The following EYS variants were observed in gnomAD, a reference collection of about 807,000 sequenced individuals.
The protein encoded by EYS is EGF-like photoreceptor maintenance factor.
A neutral mutation model predicts 282.1 loss-of-function variants in EYS; 250 were observed. The ratio of observed to expected loss-of-function variants is 0.89; its 90% CI spans 0.80 to 0.98. EYS has a LOEUF of 0.98. EYS is among the 50% of genes least tolerant of loss of function. The pLI, the probability that EYS is intolerant of heterozygous loss-of-function variation, is 0.00. For missense variants in EYS, 4,016 were observed against 3,709.0 expected, an observed-to-expected ratio of 1.08 and a Z score of -2.15; for synonymous variants, 1,355 against 1,282.9, an observed-to-expected ratio of 1.06 and a Z score of -1.20.
intron 29 of EYS, among the ~76,000 whole-genome samples, chr6:64,353,003 A>G (rs550111130): frequency 7.7e-4 from 117 of 151,578 alleles, no homozygotes; most frequent in African/African-American, 2.8e-3. Context: ...TGTGCTATGG[A>G]CTATAGACAG....
chr6:64,116,280 T>G (rs562868510), intron 31 of EYS, among the ~76,000 whole-genome samples: 2 of 152,174 alleles, frequency 1.3e-5, no homozygotes, highest in South Asian at 4.1e-4. Context: ...CTTTTTAACA[T>G]ATAAGAAAAC....
intron 35 of EYS, among the ~76,000 whole-genome samples, chr6:63,955,972 C>T (rs911788638): frequency 6.6e-6 from 1 of 152,122 alleles, no homozygotes; most frequent in Non-Finnish European, 1.5e-5. Context: ...CACAATATCA[C>T]CCCTTACCAC....
intron 35 of EYS, among the ~76,000 whole-genome samples, chr6:63,960,406 G>A (rs1194075950): frequency 1.3e-5 from 2 of 152,204 alleles, no homozygotes; most frequent in Non-Finnish European, 2.9e-5. Flanking sequence ...GGTTTATTGA[G>A]ATGGACTCTA....
intron 12 of EYS, among the ~76,000 whole-genome samples, chr6:65,263,438 AGT>A (rs1767669866): frequency 6.6e-6 from 1 of 152,132 alleles, no homozygotes; most frequent in Non-Finnish European, 1.5e-5. Context: ...AATTCAGTAA[AGT>A]AATATGATAA....
At chr6:65,327,407 T>C (rs1476784562) in intron 11 of EYS, among the ~76,000 whole-genome samples, 1 of 151,776 alleles carries the variant, frequency 6.6e-6, no homozygotes, top group East Asian at 1.9e-4. Context: ...ATGTGAATTG[T>C]GTTTTATTTA....
At chr6:63,820,809 A>G (rs1359166044) in intron 36 of EYS, among the ~76,000 whole-genome samples, 1 of 152,174 alleles carries the variant, frequency 6.6e-6, no homozygotes, top group East Asian at 1.9e-4. Context: ...GTATCTTACT[A>G]TGCCAGTACC....
chr6:65,090,084 A>G (rs1287168569), intron 12 of EYS, among the ~76,000 whole-genome samples: 1 of 151,932 alleles, frequency 6.6e-6, no homozygotes, highest in South Asian at 2.1e-4. Context: ...AGGACATGAT[A>G]TTTGGAAGTG....
intron 11 of EYS, among the ~76,000 whole-genome samples, chr6:65,316,617 C>T (rs1769301821): frequency 6.7e-6 from 1 of 148,620 alleles, no homozygotes; most frequent in Non-Finnish European, 1.5e-5. Flanking sequence ...TCTCCTAATG[C>T]TATCCCTCCC....
intron 14 of EYS, among the ~76,000 whole-genome samples, chr6:64,967,149 C>T (rs1770121227): frequency 6.6e-6 from 1 of 150,776 alleles, no homozygotes; most frequent in African/African-American, 2.4e-5. Flanking sequence ...TGTAATCTGC[C>T]TGTCTCTAAC....
chr6:64,061,858 C>T (rs560655350), intron 33 of EYS, among the ~76,000 whole-genome samples: 4 of 151,630 alleles, frequency 2.6e-5, no homozygotes, highest in Non-Finnish European at 4.4e-5. Flanking sequence ...GGTGTGGGGA[C>T]GCACGCCTGT....
chr6:64,435,445 T>C lies in EYS; in HGVS notation c.5927+729A>G, dbSNP rs1582748928. ...TAGGACTTCTTCTTCTTCCTTTTTT[T>C]TTTTTTTTCCTTTTTATTGGCTTTA... On this transcript the variant is annotated intron_variant, in intron 28 of 42. Transcript: ENST00000503581. Among the ~76,000 whole-genome samples, 6 of 151,586 alleles carry C rather than the reference T, an allele frequency of 4.0e-5. No homozygotes were observed. The Middle Eastern group carries it at 0.014, about 344-fold the overall frequency.
At chr6:64,597,466 A>G (rs1118079) in intron 24 of EYS, among the ~76,000 whole-genome samples, 18,653 of 152,230 alleles carry the variant, frequency 0.12, 1,186 homozygotes, top group East Asian at 0.17. Context: ...GAATCCACCT[A>G]TCAGTGAAGG....
intron 32 of EYS, among the ~76,000 whole-genome samples, chr6:64,076,396 C>G (rs554328198): frequency 6.6e-6 from 1 of 151,986 alleles, no homozygotes; most frequent in Admixed American, 6.6e-5. Context: ...TAGAGAACTA[C>G]GAAACACAGT....
At position 65,494,671 on chromosome 6, in the gene EYS, G is replaced by A. The variant is rs367977860; in HGVS notation, c.740C>T (p.Pro247Leu). The change falls in exon 4 of 43, where the codon CCA becomes CTA. Residue 247 changes from proline to leucine, a missense_variant. Transcript: ENST00000503581. ...ATTTTAAACAATCTTACCTGTAAAT[G>A]GTGGGTGACAGACACATTCATATGC... ...EQAYECVCHP[P>L]FTGKNCSEII... 9.7e-5 allele frequency: 151 copies of A among 1,563,182 alleles called. No homozygotes were observed. In the African/African-American group the frequency reaches 2.0e-3, roughly 20 times the overall value.
At chr6:64,268,536 G>C (rs931223525) in intron 30 of EYS, among the ~76,000 whole-genome samples, 2 of 152,114 alleles carry the variant, frequency 1.3e-5, no homozygotes, top group African/African-American at 2.4e-5. Context: ...TAATAGAAGG[G>C]AGACCAGTTG....
At chr6:64,582,898 T>C (rs909253347) in intron 26 of EYS, among the ~76,000 whole-genome samples, 1 of 152,120 alleles carries the variant, frequency 6.6e-6, no homozygotes, top group Non-Finnish European at 1.5e-5. Flanking sequence ...AATGCCAGGA[T>C]TTTACTTCTG....
intron 24 of EYS, among the ~76,000 whole-genome samples, chr6:64,596,066 A>G (rs890736371): frequency 7.9e-5 from 12 of 152,002 alleles, no homozygotes; most frequent in African/African-American, 2.9e-4. Context: ...AGCAACAAAG[A>G]GAGAGAGAGC....
intron 14 of EYS, among the ~76,000 whole-genome samples, chr6:64,976,194 T>G (rs924963346): frequency 2.6e-5 from 4 of 152,022 alleles, no homozygotes; most frequent in African/African-American, 9.7e-5. Context: ...CTTTTTTGAC[T>G]TACATTGTTC....
At chr6:65,238,317 C>G (rs1002715780) in intron 12 of EYS, among the ~76,000 whole-genome samples, 2 of 150,854 alleles carry the variant, frequency 1.3e-5, no homozygotes, top group African/African-American at 4.9e-5. Flanking sequence ...ATCAATAATA[C>G]TAGAATCACT....
Sources: allele counts gnomAD v4.1 joint callset (sites outside exome capture counted in the v4.1 genomes callset), GRCh38; gene constraint gnomAD v4.1.1; transcripts MANE v1.5; gene names NCBI Gene and HGNC (gene_info 2026-07-23, HGNC 2026-07-21).